The following ARHGEF28 variants were observed in gnomAD, a reference collection of about 807,000 sequenced individuals.
ARHGEF28 encodes the protein 190 kDa guanine nucleotide exchange factor.
In ARHGEF28, 152 loss-of-function variants were observed where a neutral mutation model predicts 206.6. The ratio of observed to expected loss-of-function variants is 0.74; its 90% confidence interval spans 0.64 to 0.84. The LOEUF (loss-of-function observed/expected upper bound fraction) is 0.84, where lower values mean the gene tolerates loss of function less well. Ranked by LOEUF, ARHGEF28 falls within the 40% of genes least tolerant of loss-of-function variation. ARHGEF28 has a pLI of 0.00. For missense variants in ARHGEF28, 2,028 were observed against 2,073.2 expected (o/e 0.98, Z 0.42); for synonymous variants, 763 against 776.4 (o/e 0.98, Z 0.29).
At chr5:73,760,944 T>C (rs1244354988) in intron 4 of ARHGEF28, among the ~76,000 whole-genome samples, 1 of 152,206 alleles carries the variant, frequency 6.6e-6, no homozygotes, top group Non-Finnish European at 1.5e-5. Context: ...GCCCTTATAC[T>C]GGAATAGAGA....
chr5:73,880,750 T>A (rs1760869454), intron 22 of ARHGEF28, among the ~76,000 whole-genome samples: 1 of 152,178 alleles, frequency 6.6e-6, no homozygotes, highest in Non-Finnish European at 1.5e-5. Flanking sequence ...CTGAGCATCA[T>A]GATGAATCCC....
At chr5:73,655,578 A>G (rs1192168585) in intron 1 of ARHGEF28, among the ~76,000 whole-genome samples, 1 of 152,224 alleles carries the variant, frequency 6.6e-6, no homozygotes, top group South Asian at 2.1e-4. Flanking sequence ...TGAGTAGCTC[A>G]TAGTATTTTA....
intron 1 of ARHGEF28, among the ~76,000 whole-genome samples, chr5:73,636,857 C>A (rs1005261422): frequency 6.6e-6 from 1 of 152,144 alleles, no homozygotes; most frequent in Non-Finnish European, 1.5e-5. Context: ...AGGATGGTGT[C>A]TTAAGCCTCC....
At chr5:73,652,485 G>A (rs77075109) in intron 1 of ARHGEF28, among the ~76,000 whole-genome samples, 1 of 152,240 alleles carries the variant, frequency 6.6e-6, no homozygotes, top group African/African-American at 2.4e-5. Context: ...ATGCACATTT[G>A]GGGGAGCAGA....
chr5:73,709,258 A>C (rs1241394902), intron 2 of ARHGEF28, among the ~76,000 whole-genome samples: 2 of 152,132 alleles, frequency 1.3e-5, no homozygotes, highest in African/African-American at 4.8e-5. Flanking sequence ...GAGTGTGGCA[A>C]ATGTACAGTG....
chr5:73,830,836 C>T (rs1175584259), intron 9 of ARHGEF28, among the ~76,000 whole-genome samples: 2 of 152,132 alleles, frequency 1.3e-5, no homozygotes, highest in African/African-American at 4.8e-5. Flanking sequence ...GATTCACCCC[C>T]ATGGGCTTAT....
intron 13 of ARHGEF28, among the ~76,000 whole-genome samples, chr5:73,850,955 T>C (rs1251416327): frequency 2.0e-5 from 3 of 152,134 alleles, no homozygotes; most frequent in Non-Finnish European, 4.4e-5. Context: ...ATATGAAAAT[T>C]CCAGTGGATA....
At chr5:73,895,743 T>A (rs1247119114) in intron 29 of ARHGEF28, among the ~76,000 whole-genome samples, 3 of 152,224 alleles carry the variant, frequency 2.0e-5, no homozygotes, top group African/African-American at 7.2e-5. Flanking sequence ...TGGCTACTTT[T>A]TCCTACAGTG....
intron 9 of ARHGEF28, among the ~76,000 whole-genome samples, chr5:73,819,610 G>T (rs1170681052): frequency 1.3e-5 from 2 of 152,198 alleles, no homozygotes; most frequent in Non-Finnish European, 2.9e-5. Context: ...CCAGCCTGTA[G>T]TAGGAGGAAA....
intron 4 of ARHGEF28, among the ~76,000 whole-genome samples, chr5:73,754,998 C>G (rs1193695247): frequency 6.6e-6 from 1 of 151,774 alleles, no homozygotes; most frequent in Non-Finnish European, 1.5e-5. Flanking sequence ...TCCCCAGTAG[C>G]TGGGATTATA....
chr5:73,732,015 CT>C (rs530373615), intron 2 of ARHGEF28, among the ~76,000 whole-genome samples: 29,497 of 130,500 alleles, frequency 0.23, 3,152 homozygotes, highest in Non-Finnish European at 0.24. Flanking sequence ...ATTTAGTGAA[CT>C]TTTTTTTTTT....
chr5:73,750,382 T>C (rs1282382341), intron 3 of ARHGEF28, among the ~76,000 whole-genome samples: 1 of 152,062 alleles, frequency 6.6e-6, no homozygotes, highest in East Asian at 1.9e-4. Context: ...GTCTTCTCTC[T>C]TCCTCATTCT....
intron 2 of ARHGEF28, among the ~76,000 whole-genome samples, chr5:73,688,572 A>C (rs943691719): frequency 2.0e-5 from 3 of 152,174 alleles, no homozygotes; most frequent in Non-Finnish European, 4.4e-5. Context: ...TGTTTCTTCC[A>C]CTATTGTTTT....
At chr5:73,745,614 A>G (rs1580559080) in intron 2 of ARHGEF28, among the ~76,000 whole-genome samples, 1 of 152,088 alleles carries the variant, frequency 6.6e-6, no homozygotes, top group Non-Finnish European at 1.5e-5. Context: ...TATGTTTAGT[A>G]TGATTCTAGT....
intron 1 of ARHGEF28, among the ~76,000 whole-genome samples, chr5:73,665,213 C>T (rs1479081483): frequency 6.6e-6 from 1 of 152,192 alleles, no homozygotes; most frequent in African/African-American, 2.4e-5. Flanking sequence ...CATCCCTTCC[C>T]CACTTAAAAA....
At position 73,846,222 on chromosome 5, in the gene ARHGEF28, G is replaced by A. The variant is rs373814615; in HGVS notation, c.1428-46G>A. On this transcript the variant is annotated intron_variant, in intron 11 of 35. Coordinates refer to ENST00000513042, the MANE Select transcript of ARHGEF28 (RefSeq NM_001177693.2). ...GAGAAGTAGAAACCAATGACGCTCT[G>A]TGTCCTTCCTTGCTTCTTTACTTAC... 1.5e-5 allele frequency: 23 copies of A among 1,570,674 alleles called. 1 individual carries two copies. Among genetic ancestry groups the A allele is most frequent in the Middle Eastern group, 2.2e-4 (1 of 4,610 alleles).
intron 14 of ARHGEF28, among the ~76,000 whole-genome samples, chr5:73,853,872 A>G (rs1758854228): frequency 6.6e-6 from 1 of 152,214 alleles, no homozygotes; most frequent in Admixed American, 6.5e-5. Flanking sequence ...TTTTAAATTA[A>G]AAATATAAAA....
intron 4 of ARHGEF28, among the ~76,000 whole-genome samples, chr5:73,771,926 G>T (rs1163690674): frequency 6.6e-6 from 1 of 152,108 alleles, no homozygotes; most frequent in African/African-American, 2.4e-5. Flanking sequence ...TGCCTTGTCT[G>T]TTTTTAGATA....
At chr5:73,812,394 A>G (rs556809790) in intron 9 of ARHGEF28, among the ~76,000 whole-genome samples, 8 of 152,348 alleles carry the variant, frequency 5.3e-5, no homozygotes, top group Non-Finnish European at 7.3e-5. Flanking sequence ...TATGTTTCCA[A>G]TGTCGTTTAG....
Sources: allele counts gnomAD v4.1 joint callset (sites outside exome capture counted in the v4.1 genomes callset), GRCh38; gene constraint gnomAD v4.1.1; transcripts MANE v1.5; gene names NCBI Gene and HGNC (gene_info 2026-07-23, HGNC 2026-07-21).